The following WDR97 variants were observed in gnomAD, a reference collection of about 807,000 sequenced individuals.
WDR97 encodes the protein WD repeat domain 97.
A neutral mutation model predicts 65.4 loss-of-function variants in WDR97; 111 were observed. The ratio of observed to expected loss-of-function variants is 1.70; its 90% CI spans 1.45 to 1.99. WDR97 has a LOEUF of 1.99. WDR97 is among the 30% of genes most tolerant of loss of function. WDR97 has a pLI of 0.00. For missense variants in WDR97, 1,674 were observed against 865.0 expected, an observed-to-expected ratio of 1.94 and a Z score of -11.73; for synonymous variants, 802 against 397.7, an observed-to-expected ratio of 2.02 and a Z score of -12.10.
intron 3 of WDR97, 21 bp downstream of exon 3, chr8:144,108,965 G>T: frequency 1.4e-6 from 1 of 703,042 alleles, no homozygotes; most frequent in Non-Finnish European, 2.6e-6. Context: ...TCCCCCTAGG[G>T]AGGGCCAGGC....
chr8:144,109,839 A>G lies in WDR97; in HGVS notation c.1505A>G (p.Asn502Ser), dbSNP rs768576503. The G allele has an allele frequency of 1.0e-5, 7 of 692,148 alleles. No individual in the cohort carries two copies. Among genetic ancestry groups the G allele is most frequent in the Non-Finnish European group, 1.3e-5 (5 of 380,170 alleles). The allele number at this position is 692,148 out of a possible 1,614,324, so 42.9% of individuals were successfully genotyped here. The change falls in exon 5 of 24, where the codon AAC becomes AGC. Residue 502 changes from asparagine to serine, a missense_variant. By Grantham distance (46) the Asn-to-Ser change is conservative. Coordinates refer to ENST00000323662, the MANE Select transcript of WDR97 (RefSeq NM_001316309.2). ...AGGGCTGGGCACCTGGTCCGCGCCAACGCGGCGCGCTGCCCCATGAGCGTG... is the reference window on the plus strand; with the variant it reads ...AGGGCTGGGCACCTGGTCCGCGCCAGCGCGGCGCGCTGCCCCATGAGCGTG... Reference protein sequence around the residue: ...LTRAGHLVRANAARCPMSVLH... With the variant: ...LTRAGHLVRASAARCPMSVLH...
Position 144,115,325 on chromosome 8 carries a change from T to TTCCTC in WDR97, c.4078-10_4078-6dup. The TTCCTC allele has an allele frequency of 1.7e-6, 1 of 592,754 alleles. No individual in the cohort carries two copies. The highest frequency in any genetic ancestry group is 3.0e-6 in the Non-Finnish European group (1 of 331,496). 36.7% of individuals were successfully genotyped at this position (592,754 alleles called of 1,614,324 possible). ...CCAAGGTCTCTAAGACCTTAGCACTTTCCTCTCCTCCCAAGGAGACCCCAT... is the reference window on the plus strand; with the variant it reads ...CCAAGGTCTCTAAGACCTTAGCACTTTCCTCTCCTCTCCTCCCAAGGAGACCCCAT... On this transcript the variant is annotated splice_polypyrimidine_tract_variant and intron_variant, in intron 21 of 23. Transcript: ENST00000323662.
intron 15 of WDR97, chr8:144,112,837 G>T (rs534677000): frequency 2.1e-6 from 1 of 468,184 alleles, no homozygotes; most frequent in Non-Finnish European, 3.8e-6. Context: ...CCGTGGAGGC[G>T]CTGGGAGGGC....
rs1334144749 is a variant in WDR97 at position 144,116,106 on chromosome 8, G to T, written c.4682G>T (p.Arg1561Leu). ...AMRLRGPMRS[R>L]LCAGRTLDGP... ...CCGCCCCCAGGCCCCATGCGGTCCC[G>T]GCTCTGTGCGGGCCGCACCCTGGAC... Residue 1561 changes from arginine (R) to leucine (L), a missense_variant, in exon 24 of 24, where the codon CGG becomes CTG. Transcript: ENST00000323662. The T allele has an allele frequency of 2.3e-6, 1 of 437,726 alleles. No homozygotes were observed. Among genetic ancestry groups the T allele is most frequent in the Non-Finnish European group, 4.3e-6 (1 of 234,016 alleles). 27.1% of individuals were successfully genotyped at this position (437,726 alleles called of 1,614,324 possible). A position where few individuals can be genotyped will look rare whatever the true frequency, so the allele number is the denominator to read the frequency against.
chr8:144,114,257 C>T (rs1472169555), intron 18 of WDR97, 21 bp from the exon 19 acceptor site: 1 of 696,166 alleles, frequency 1.4e-6, no homozygotes, highest in Non-Finnish European at 2.6e-6. Context: ...GGGAGCAGGG[C>T]CTCAGCATGC....
intron 16 of WDR97, 49 bp from the exon 17 acceptor site, chr8:144,113,608 C>T (rs1271020952): frequency 3.0e-6 from 2 of 657,282 alleles, no homozygotes; most frequent in African/African-American, 1.8e-5. Context: ...CAGGGGAGGG[C>T]TCTGCTGTCC....
chr8:144,111,455 G>A lies in WDR97; in HGVS notation c.2456G>A (p.Arg819Lys). The A allele has an allele frequency of 1.4e-6, 1 of 702,788 alleles. No homozygotes were observed. The highest frequency in any genetic ancestry group is 2.0e-5 in the Admixed American group (1 of 50,016). The allele number at this position is 702,788 out of a possible 1,614,324, so 43.5% of individuals were successfully genotyped here. ...SEALSLIHRR[R>K]ATSQHLVPKE... Reference sequence around the variant, plus strand: ...GCCTTGTCTCTCATCCATCGTCGGAGGGCAACATCTCAGCACCTGGTGCCG... The same window carrying A: ...GCCTTGTCTCTCATCCATCGTCGGAAGGCAACATCTCAGCACCTGGTGCCG... Residue 819 changes from arginine to lysine, a missense_variant, in exon 11 of 24, where the codon AGG becomes AAG. Physicochemically the swap from Arg to Lys is conservative, Grantham distance 26. Coordinates refer to ENST00000323662, the MANE Select transcript of WDR97 (RefSeq NM_001316309.2).
In WDR97 at chr8:144,108,039, C is replaced by T. The variant is rs1313404078; in HGVS notation, c.113-20C>T. ...GGACCTGAGGCTGTAGGTGGCAGAA[C>T]TTCCAGTTCCTGCCCGCAGAGTTGA... On this transcript the variant is annotated intron_variant, in intron 1 of 23. Transcript: ENST00000323662. 24 of 702,742 alleles carry T rather than the reference C, an allele frequency of 3.4e-5. No homozygotes were observed. In the East Asian group the frequency reaches 5.9e-4, roughly 17 times the overall value. The allele number at this position is 702,742 out of a possible 1,614,324, so 43.5% of individuals were successfully genotyped here.
rs1226179172 is a variant in WDR97 at position 144,110,025 on chromosome 8, A to G, written c.1691A>G (p.Asn564Ser). ...AGCTCTGTGGCCTGCGCCTGGAAGA[A>G]CAAGAACCGGTGGGTGCGGGAGCCG... is the stretch of plus-strand genomic sequence containing the variant. Reference protein sequence around the residue: ...RCSSVACAWKNKNRYLPVVGH... With the variant: ...RCSSVACAWKSKNRYLPVVGH... The change falls in exon 5 of 24, where the codon AAC (asparagine) becomes AGC (serine). Residue 564 changes from asparagine (N) to serine (S), a missense_variant. Physicochemically the swap from Asn to Ser is conservative, Grantham distance 46. Transcript: ENST00000323662. The G allele has an allele frequency of 2.9e-6, 2 of 696,282 alleles. No homozygotes were observed. Among genetic ancestry groups the G allele is most frequent in the Non-Finnish European group, 5.3e-6 (2 of 380,580 alleles). The allele number at this position is 696,282 out of a possible 1,614,324, so 43.1% of individuals were successfully genotyped here.
Position 144,109,503 on chromosome 8 carries a change from C to T in WDR97, c.1169C>T (p.Ala390Val), listed in dbSNP as rs1342938731. The T allele has an allele frequency of 8.6e-6, 6 of 696,400 alleles. No homozygotes were observed. In the South Asian group the frequency reaches 8.9e-5, roughly 10 times the overall value. The allele number at this position is 696,400 out of a possible 1,614,324, so 43.1% of individuals were successfully genotyped here. Residue 390 changes from alanine (A) to valine (V), a missense_variant, in exon 5 of 24, where the codon GCG becomes GTG. By Grantham distance (64) the Ala-to-Val change is moderately conservative (BLOSUM62 0). Coordinates refer to ENST00000323662, the MANE Select transcript of WDR97 (RefSeq NM_001316309.2). Reference protein sequence around the residue: ...KLSRRVGRLLAPVRPGWPVLS... With the variant: ...KLSRRVGRLLVPVRPGWPVLS... Reference sequence around the variant, plus strand: ...TCCCGGCGCGTGGGCCGTCTGCTGGCGCCGGTGCGCCCGGGCTGGCCGGTG... The same window carrying T: ...TCCCGGCGCGTGGGCCGTCTGCTGGTGCCGGTGCGCCCGGGCTGGCCGGTG...
chr8:144,113,836 C>T lies in WDR97; in HGVS notation c.3363C>T (p.Ser1121=), dbSNP rs957044149. The T allele has an allele frequency of 2.9e-6, 2 of 699,962 alleles. No individual in the cohort carries two copies. The highest frequency in any genetic ancestry group is 5.2e-6 in the Non-Finnish European group (2 of 383,160). The allele number at this position is 699,962 out of a possible 1,614,324, so 43.4% of individuals were successfully genotyped here. Residue 1121 remains serine (S), a synonymous_variant, in exon 17 of 24, where the codon AGC becomes AGT. Transcript: ENST00000323662. ...TGGACTGGGCCTTGGCTTCCCTGAG[C>T]CCGCACTCCAACCAGCAGCTGGATT... ...EELDWALASL[S]PHSNQQLDSW... is the part of the protein sequence containing the mutation.
Position 144,111,642 on chromosome 8 carries a change from C to T in WDR97, c.2498C>T (p.Ala833Val). 1 of 691,142 alleles carries T rather than the reference C, an allele frequency of 1.4e-6. No homozygotes were observed. 42.8% of individuals were successfully genotyped at this position (691,142 alleles called of 1,614,324 possible). A position where few individuals can be genotyped will look rare whatever the true frequency, so the allele number is the denominator to read the frequency against. Residue 833 changes from alanine (A) to valine (V), a missense_variant, in exon 12 of 24, where the codon GCC becomes GTC. Transcript: ENST00000323662. ...QHLVPKEDLD[A>V]IVARDRDLQQ... ...TGAACCCTGACTCAGGACTTGGACG[C>T]CATAGTGGCCCGGGACCGAGACCTT...
At chr8:144,112,793 C>T (rs549634551) in intron 15 of WDR97, 7 of 548,028 alleles carry the variant, frequency 1.3e-5, no homozygotes, top group Non-Finnish European at 2.3e-5. Flanking sequence ...CAAAGCCAGT[C>T]CCCCCAGCCG....
Position 144,109,450 on chromosome 8 carries a change from G to T in WDR97, c.1116G>T (p.Ala372=), listed in dbSNP as rs749761623. ...LQAAAQVGEV[A]LGFWGQDKLS... Reference sequence around the variant, plus strand: ...CGGCGGCGCAGGTGGGCGAGGTAGCGCTGGGCTTCTGGGGCCAGGACAAGC... The same window carrying T: ...CGGCGGCGCAGGTGGGCGAGGTAGCTCTGGGCTTCTGGGGCCAGGACAAGC... The change falls in exon 5 of 24, where the codon GCG becomes GCT. Residue 372 remains alanine (A), a synonymous_variant. Coordinates refer to ENST00000323662, the MANE Select transcript of WDR97 (RefSeq NM_001316309.2). 1.4e-6 allele frequency: 1 copy of T among 701,226 alleles called. No homozygotes were observed. Among genetic ancestry groups the T allele is most frequent in the South Asian group, 1.5e-5 (1 of 67,472 alleles). The allele number at this position is 701,226 out of a possible 1,614,324, so 43.4% of individuals were successfully genotyped here.
Position 144,116,418 on chromosome 8 carries a change from G to C in WDR97, c.*125G>C. The C allele has an allele frequency of 1.8e-6, 1 of 557,156 alleles. No homozygotes were observed. Among genetic ancestry groups the C allele is most frequent in the Non-Finnish European group, 3.2e-6 (1 of 315,186 alleles). 34.5% of individuals were successfully genotyped at this position (557,156 alleles called of 1,614,324 possible). On this transcript the variant is annotated 3_prime_UTR_variant, in exon 24 of 24. Coordinates refer to ENST00000323662, the MANE Select transcript of WDR97 (RefSeq NM_001316309.2). ...GATGCCGCCTGCTTTGGAGGGCCCC[G>C]GGGTGCGCACGGCGTGTGGGCGTGC...
Position 144,108,888 on chromosome 8 carries a change from C to T in WDR97, c.822C>T (p.Leu274=), listed in dbSNP as rs1473756949. 2 of 702,808 alleles carry T rather than the reference C, an allele frequency of 2.8e-6. No homozygotes were observed. Among genetic ancestry groups the T allele is most frequent in the African/African-American group, 1.7e-5 (1 of 57,276 alleles). 43.5% of individuals were successfully genotyped at this position (702,808 alleles called of 1,614,324 possible). The part of the protein sequence containing the change: ...RCFAAYGSAV[L]TFDLHAWTLV... ...TCGCGGCCTATGGCTCGGCCGTGCT[C>T]ACCTTCGATCTGCATGCCTGGACTC... Residue 274 remains leucine, a synonymous_variant, in exon 3 of 24, where the codon CTC becomes CTT. Transcript: ENST00000323662.
In WDR97 at chr8:144,109,397, G is replaced by A. The variant is rs978124481; in HGVS notation, c.1063G>A (p.Gly355Arg). 8 of 702,446 alleles carry A rather than the reference G, an allele frequency of 1.1e-5. No homozygotes were observed. The allele number at this position is 702,446 out of a possible 1,614,324, so 43.5% of individuals were successfully genotyped here. The change falls in exon 5 of 24, where the codon GGG (glycine) becomes AGG (arginine). Residue 355 changes from glycine (G) to arginine (R), a missense_variant. Coordinates refer to ENST00000323662, the MANE Select transcript of WDR97 (RefSeq NM_001316309.2). Reference sequence around the variant, plus strand: ...CCTGGTGTTGTCGGCCTCGCAGGACGGGACGCTACGCACCTGGGACCTGCA... The same window carrying A: ...CCTGGTGTTGTCGGCCTCGCAGGACAGGACGCTACGCACCTGGGACCTGCA... ...TTLVLSASQD[G>R]TLRTWDLQAA...
chr8:144,115,622 G>C lies in WDR97; in HGVS notation c.4359G>C (p.Leu1453=). The part of the protein sequence containing the change: ...KSFCLEPEAR[L]HPAGPAQLPG... The stretch of plus-strand genomic sequence containing the variant: ...TCTGCCTGGAGCCCGAGGCCCGCCT[G>C]CACCCTGCCGGGCCTGCTCAGCTGC... The change falls in exon 22 of 24, where the codon CTG becomes CTC. Residue 1453 remains leucine (L), a synonymous_variant. Coordinates refer to ENST00000323662, the MANE Select transcript of WDR97 (RefSeq NM_001316309.2). 1 of 687,516 alleles carries C rather than the reference G, an allele frequency of 1.5e-6. No homozygotes were observed. The highest frequency in any genetic ancestry group is 2.7e-6 in the Non-Finnish European group (1 of 375,944). 42.6% of individuals were successfully genotyped at this position (687,516 alleles called of 1,614,324 possible).
Position 144,111,493 on chromosome 8 carries a change from T to G in WDR97, c.2487+7T>G, listed in dbSNP as rs1292575443. ...GCACCTGGTGCCGAAGGAGGTGGGG[T>G]GGGTCCTCCTTAGCCCGCCCTGCCC... On this transcript the variant is annotated splice_region_variant and intron_variant, in intron 11 of 23. Transcript: ENST00000323662. The G allele has an allele frequency of 1.4e-6, 1 of 702,396 alleles. No homozygotes were observed. The highest frequency in any genetic ancestry group is 2.0e-5 in the Admixed American group (1 of 49,990). 43.5% of individuals were successfully genotyped at this position (702,396 alleles called of 1,614,324 possible). A position where few individuals can be genotyped will look rare whatever the true frequency, so the allele number is the denominator to read the frequency against.
Sources: allele counts gnomAD v4.1 joint callset, GRCh38; gene constraint gnomAD v4.1.1; transcripts MANE v1.5; gene names NCBI Gene and HGNC (gene_info 2026-07-23, HGNC 2026-07-21).